SLC71A2: variants seen among roughly 807,000 people sequenced by gnomAD.
SLC71A2 encodes the protein hippocampus abundant transcript-like 1.
chr9:94,404,451 A>G, the SLC71A2 span, among the ~76,000 whole-genome samples: 2 of 151,902 alleles, frequency 1.3e-5, no homozygotes, highest in African/African-American at 4.8e-5. Context: ...ATGCGCCACC[A>G]TGCCTGGCTA....
chr9:94,441,992 T>TGCATGTGTGG, the SLC71A2 span, among the ~76,000 whole-genome samples: 2 of 152,252 alleles, frequency 1.3e-5, no homozygotes, highest in African/African-American at 2.4e-5. Context: ...CATGTGGATG[T>TGCATGTGTGG]GCATGTGTGG....
chr9:94,451,485 A>G, the SLC71A2 span: 1 of 1,573,408 alleles, frequency 6.4e-7, no homozygotes, highest in Non-Finnish European at 8.6e-7. Context: ...TTAAAATTGC[A>G]GCATTCATAG....
At chr9:94,442,324 T>TC in the SLC71A2 span, among the ~76,000 whole-genome samples, 1 of 152,178 alleles carries the variant, frequency 6.6e-6, no homozygotes, top group South Asian at 2.1e-4. Flanking sequence ...ATTTTTAACT[T>TC]GTTGACTTTA....
chr9:94,430,562 T>C, the SLC71A2 span, among the ~76,000 whole-genome samples: 1 of 152,212 alleles, frequency 6.6e-6, no homozygotes, highest in African/African-American at 2.4e-5. Flanking sequence ...AGTTACAAAC[T>C]ACAGTAACAC....
the SLC71A2 span, among the ~76,000 whole-genome samples, chr9:94,387,456 T>C: frequency 3.9e-5 from 6 of 152,128 alleles, no homozygotes; most frequent in Non-Finnish European, 8.8e-5. Context: ...ATGAATATTC[T>C]AATCAATGTT....
chr9:94,451,672 C>G, the SLC71A2 span: 10 of 471,242 alleles, frequency 2.1e-5, no homozygotes, highest in Non-Finnish European at 3.4e-5. Flanking sequence ...TAAGGTCTTG[C>G]AAGCTATAGT....
the SLC71A2 span, among the ~76,000 whole-genome samples, chr9:94,398,180 G>A: frequency 6.6e-6 from 1 of 151,162 alleles, no homozygotes; most frequent in Non-Finnish European, 1.5e-5. Context: ...AATTGTTCTA[G>A]CATTGGCCAT....
chr9:94,397,672 G>A, the SLC71A2 span, among the ~76,000 whole-genome samples: 18 of 152,210 alleles, frequency 1.2e-4, no homozygotes, highest in African/African-American at 3.9e-4. Context: ...TTTCCTAGGC[G>A]CTCCTTGTTT....
At chr9:94,406,309 G>A in the SLC71A2 span, among the ~76,000 whole-genome samples, 17 of 152,114 alleles carry the variant, frequency 1.1e-4, no homozygotes, top group South Asian at 1.0e-3. Context: ...GCGCAATCTC[G>A]GCTCACCACA....
chr9:94,404,862 A>AT, the SLC71A2 span, among the ~76,000 whole-genome samples: 8 of 151,778 alleles, frequency 5.3e-5, no homozygotes, highest in East Asian at 1.9e-4. Flanking sequence ...ATTTTTATGT[A>AT]TTTTTTCTTT....
At chr9:94,444,768 A>G in the SLC71A2 span, among the ~76,000 whole-genome samples, 26 of 152,208 alleles carry the variant, frequency 1.7e-4, no homozygotes, top group Non-Finnish European at 2.9e-5. Context: ...TTTCATTCTT[A>G]AAATTTATAT....
chr9:94,397,654 T>C, the SLC71A2 span, among the ~76,000 whole-genome samples: 2 of 152,236 alleles, frequency 1.3e-5, no homozygotes, highest in Non-Finnish European at 2.9e-5. Flanking sequence ...TCCTCTGGAC[T>C]GTGACAGTTT....
At chr9:94,391,371 AAAAAAAG>A in the SLC71A2 span, among the ~76,000 whole-genome samples, 1 of 151,620 alleles carries the variant, frequency 6.6e-6, no homozygotes, top group Admixed American at 6.6e-5. Context: ...TTAAAAAAAA[AAAAAAAG>A]GAAAAAGGAA....
the SLC71A2 span, among the ~76,000 whole-genome samples, chr9:94,384,817 T>A: frequency 1.3e-5 from 2 of 151,922 alleles, no homozygotes; most frequent in Admixed American, 1.3e-4. Context: ...TTGAAGAAAA[T>A]GGTTAAAAAA....
At chr9:94,444,334 A>G in the SLC71A2 span, among the ~76,000 whole-genome samples, 4 of 152,354 alleles carry the variant, frequency 2.6e-5, no homozygotes, top group Admixed American at 2.0e-4. Context: ...AGGTGGTGAC[A>G]GAGAGACAGA....
At chr9:94,406,977 C>A in the SLC71A2 span, among the ~76,000 whole-genome samples, 1 of 152,162 alleles carries the variant, frequency 6.6e-6, no homozygotes, top group African/African-American at 2.4e-5. Flanking sequence ...GCATCTTTGT[C>A]TTGTTTCTGA....
At chr9:94,452,630 TATTTTC>T in the SLC71A2 span, among the ~76,000 whole-genome samples, 1 of 98,570 alleles carries the variant, frequency 1.0e-5, no homozygotes, top group African/African-American at 4.7e-5. Flanking sequence ...TATATATATA[TATTTTC>T]ATATATATAT....
the SLC71A2 span, chr9:94,459,753 C>T: frequency 1.8e-5 from 4 of 225,446 alleles, no homozygotes; most frequent in Non-Finnish European, 3.6e-5. Flanking sequence ...AGAGTGGCAG[C>T]AATCTTTCCA....
chr9:94,444,490 C>G, the SLC71A2 span, among the ~76,000 whole-genome samples: 1 of 152,196 alleles, frequency 6.6e-6, no homozygotes, highest in Non-Finnish European at 1.5e-5. Flanking sequence ...ATAAAATGTT[C>G]AAACAGTGCA....
Sources: gnomAD v4.1 joint callset for allele counts (sites outside exome capture counted in the v4.1 genomes callset) on GRCh38, gnomAD v4.1.1 for gene constraint, MANE v1.5 for transcripts, NCBI Gene and HGNC (gene_info 2026-07-23, HGNC 2026-07-21) for gene names.